The following CHL1 variants were observed in gnomAD, a reference collection of about 807,000 sequenced individuals.
The protein encoded by CHL1 is cell adhesion molecule L1 like.
In CHL1, 96 loss-of-function variants were observed where a neutral mutation model predicts 141.9. The ratio of observed to expected loss-of-function variants is 0.68; its 90% CI spans 0.57 to 0.80. The LOEUF (loss-of-function observed/expected upper bound fraction) is 0.80. CHL1 is among the 30% of genes least tolerant of loss of function. CHL1 has a pLI of 0.00. For synonymous variants in CHL1, 613 were observed against 502.2 expected (o/e 1.22, Z -2.95); for missense variants, 1,820 against 1,457.2 (o/e 1.25, Z -4.05).
At chr3:214,998 G>A (rs2124932197) in intron 1 of CHL1, among the ~76,000 whole-genome samples, 1 of 151,348 alleles carries the variant, frequency 6.6e-6, no homozygotes, top group Admixed American at 6.6e-5. Context: ...CTGCTCTTTT[G>A]CAAATCTTCA....
At chr3:393,917 C>G (rs1451656093) in intron 23 of CHL1, among the ~76,000 whole-genome samples, 1 of 151,964 alleles carries the variant, frequency 6.6e-6, no homozygotes, top group African/African-American at 2.4e-5. Context: ...TTTTTTTAAC[C>G]TCTATGGTAT....
chr3:350,510 G>C (rs4684383), intron 10 of CHL1, among the ~76,000 whole-genome samples: 5 of 152,078 alleles, frequency 3.3e-5, no homozygotes, highest in Admixed American at 2.6e-4. Flanking sequence ...TAGTGAACTA[G>C]TGCTCTAGGC....
Position 389,405 on chromosome 3 carries a change from G to C in CHL1, c.2401G>C (p.Val801Leu). 6.2e-7 allele frequency: 1 copy of C among 1,614,192 alleles called. No individual in the cohort carries two copies. The highest frequency in any genetic ancestry group is 8.5e-7 in the Non-Finnish European group (1 of 1,180,040). ...TGTCTATGCCCCTTATGATGTCAAG[G>C]TCCAGGCTATCAATCAACTAGGATC... ...PAVYAPYDVK[V>L]QAINQLGSGP... The change falls in exon 20 of 28, where the codon GTC becomes CTC. Residue 801 changes from valine (V) to leucine (L), a missense_variant. Transcript: ENST00000256509.
intron 2 of CHL1, among the ~76,000 whole-genome samples, chr3:255,056 G>T (rs427620): frequency 0.15 from 23,194 of 151,980 alleles, 2,131 homozygotes; most frequent in East Asian, 0.39. Flanking sequence ...TTTGGGGCCC[G>T]TTTTTGCTGC....
intron 14 of CHL1, 99 bp downstream of exon 14, chr3:363,482 G>A: frequency 8.9e-7 from 1 of 1,127,314 alleles, no homozygotes; most frequent in Non-Finnish European, 1.3e-6. Context: ...TGGAGTACCA[G>A]ATAAAGTTCT....
At chr3:326,533 T>C in intron 4 of CHL1, among the ~76,000 whole-genome samples, 1 of 151,970 alleles carries the variant, frequency 6.6e-6, no homozygotes, top group South Asian at 2.1e-4. Flanking sequence ...AATATTGTCA[T>C]CTCAGGTGGC....
At chr3:376,415 T>A (rs972258627) in intron 15 of CHL1, 3 of 516,954 alleles carry the variant, frequency 5.8e-6, no homozygotes, top group African/African-American at 5.8e-5. Flanking sequence ...ACGACATTTT[T>A]AATAAGTTCT....
chr3:225,391 T>TTA (rs1701222138), intron 1 of CHL1, among the ~76,000 whole-genome samples: 1 of 152,170 alleles, frequency 6.6e-6, no homozygotes, highest in South Asian at 2.1e-4. Context: ...ATCCTTAGAG[T>TTA]TATATAGCAT....
intron 1 of CHL1, among the ~76,000 whole-genome samples, chr3:202,649 C>T (rs955290335): frequency 1.8e-4 from 28 of 152,272 alleles, no homozygotes; most frequent in East Asian, 9.6e-4. Flanking sequence ...GATTTGCGTA[C>T]GCCGTCCACA....
At chr3:391,947 C>A in intron 23 of CHL1, 150 bp downstream of exon 23, 1 of 585,676 alleles carries the variant, frequency 1.7e-6, no homozygotes, top group Non-Finnish European at 2.8e-6. Flanking sequence ...TGTAAACTGG[C>A]TTGCAGGCCA....
intron 2 of CHL1, among the ~76,000 whole-genome samples, chr3:289,711 T>C (rs1167462923): frequency 2.6e-5 from 4 of 151,966 alleles, no homozygotes; most frequent in Non-Finnish European, 4.4e-5. Context: ...ATTTAATACA[T>C]ATTGATTTAA....
intron 3 of CHL1, among the ~76,000 whole-genome samples, chr3:321,799 C>T (rs976664762): frequency 6.6e-6 from 1 of 152,000 alleles, no homozygotes; most frequent in Admixed American, 6.6e-5. Flanking sequence ...GGCTCTAGAG[C>T]ACTCACAAAT....
intron 9 of CHL1, among the ~76,000 whole-genome samples, chr3:347,224 C>A (rs1297377084): frequency 6.6e-6 from 1 of 151,806 alleles, no homozygotes; most frequent in Non-Finnish European, 1.5e-5. Flanking sequence ...TCACAAGATA[C>A]TACTTTATAA....
In CHL1 at chr3:361,680, T is replaced by C. The variant is rs1382629850; in HGVS notation, c.1307-19T>C. 6.4e-7 allele frequency: 1 copy of C among 1,556,000 alleles called. No homozygotes were observed. Among genetic ancestry groups the C allele is most frequent in the African/African-American group, 1.4e-5 (1 of 73,654 alleles). On this transcript the variant is annotated intron_variant, in intron 12 of 27. Coordinates refer to ENST00000256509, the MANE Select transcript of CHL1 (RefSeq NM_006614.4). ...CTTCCACAAAAGTTTAAAACTGCGTTTATGTTATTTTCAAATAGATGTCCG... is the reference window on the plus strand; with the variant it reads ...CTTCCACAAAAGTTTAAAACTGCGTCTATGTTATTTTCAAATAGATGTCCG...
chr3:405,378 A>G, intron 27 of CHL1, 117 bp from the exon 28 acceptor site: 1 of 674,702 alleles, frequency 1.5e-6, no homozygotes, highest in Non-Finnish European at 2.5e-6. Flanking sequence ...ATCTGTCTTC[A>G]ATGCTAACAC....
intron 1 of CHL1, among the ~76,000 whole-genome samples, chr3:241,247 G>A (rs927927557): frequency 5.3e-5 from 8 of 152,186 alleles, no homozygotes; most frequent in Admixed American, 3.9e-4. Context: ...AAGGAGTCAT[G>A]TCATAAAATG....
At chr3:198,810 T>C (rs1698651350) in intron 1 of CHL1, among the ~76,000 whole-genome samples, 1 of 152,204 alleles carries the variant, frequency 6.6e-6, no homozygotes, top group Non-Finnish European at 1.5e-5. Flanking sequence ...ATAATCTTAA[T>C]TAAAATATGA....
intron 1 of CHL1, among the ~76,000 whole-genome samples, chr3:238,058 A>G (rs1692169062): frequency 6.6e-6 from 1 of 152,190 alleles, no homozygotes; most frequent in Non-Finnish European, 1.5e-5. Context: ...AGACATATTG[A>G]AGAATTTCTG....
chr3:407,023 T>C lies in CHL1; in HGVS notation c.*1312T>C, dbSNP rs573642356. The C allele has an allele frequency of 4.6e-5, 7 of 152,240 alleles. No homozygotes were observed. Among genetic ancestry groups the C allele is most frequent in the African/African-American group, 7.2e-5 (3 of 41,572 alleles). The allele number at this position is 152,240 out of a possible 1,614,324, so 9.4% of individuals were successfully genotyped here. ...TTTTTTCCCCGATATTCTCCTTCTG[T>C]CAAAGTCAGAACAAATTCAGGGAAT... On this transcript the variant is annotated 3_prime_UTR_variant, in exon 28 of 28. Transcript: ENST00000256509.
Sources: gnomAD v4.1 joint callset for allele counts (sites outside exome capture counted in the v4.1 genomes callset) on GRCh38, gnomAD v4.1.1 for gene constraint, MANE v1.5 for transcripts, NCBI Gene and HGNC (gene_info 2026-07-23, HGNC 2026-07-21) for gene names.